Variants in SENP5 observed in about 807,000 individuals in gnomAD.
SENP5 encodes the protein sentrin-specific protease 5.
In SENP5, 21 loss-of-function variants were observed where a neutral mutation model predicts 74.2. That is an observed-to-expected ratio of 0.28 (90% CI 0.20 to 0.41). The LOEUF (loss-of-function observed/expected upper bound fraction) is 0.41. SENP5 is among the 10% of genes least tolerant of loss of function. The pLI is 1.00. For missense variants in SENP5, 717 were observed against 889.1 expected, an observed-to-expected ratio of 0.81 and a Z score of 2.46; for synonymous variants, 311 against 312.7, an observed-to-expected ratio of 0.99 and a Z score of 0.06.
In SENP5 at chr3:196,931,618, A is replaced by G. The variant is rs149576338; in HGVS notation, c.*695A>G. The G allele has an allele frequency of 7.5e-5, 18 of 241,536 alleles. No individual in the cohort carries two copies. Among genetic ancestry groups the G allele is most frequent in the East Asian group, 6.5e-4 (4 of 6,166 alleles). The allele number at this position is 241,536 out of a possible 1,614,324, so 15.0% of individuals were successfully genotyped here. On this transcript the variant is annotated 3_prime_UTR_variant, in exon 10 of 10. Transcript: ENST00000323460. ...AGGCCAGTAACAATGACAGATTTCAATCGTGGTTTTAGGAATTATAATACG... is the reference window on the plus strand; with the variant it reads ...AGGCCAGTAACAATGACAGATTTCAGTCGTGGTTTTAGGAATTATAATACG...
intron 6 of SENP5, chr3:196,905,079 T>C (rs1262713050): frequency 1.3e-5 from 2 of 152,158 alleles, no homozygotes; most frequent in African/African-American, 4.8e-5. Context: ...CTTGTATTTT[T>C]AATAGAGACG....
chr3:196,895,103 A>G (rs184338519), intron 2 of SENP5, among the ~76,000 whole-genome samples: 52 of 152,232 alleles, frequency 3.4e-4, no homozygotes, highest in African/African-American at 1.1e-3. Context: ...CTCATTCCAC[A>G]TCCAGGGTGG....
chr3:196,931,823 G>A lies in SENP5; in HGVS notation c.*900G>A, dbSNP rs561603326. The stretch of plus-strand genomic sequence containing the variant: ...CTGTGTTGCCTCCCAATTGGAAGAA[G>A]TTAAGGTTTACCAAATGCATTTCTA... On this transcript the variant is annotated 3_prime_UTR_variant, in exon 10 of 10. Transcript: ENST00000323460. The A allele has an allele frequency of 5.3e-4, 209 of 396,658 alleles. 1 individual carries two copies. The highest frequency in any genetic ancestry group is 1.6e-3 in the South Asian group (88 of 54,546). The allele number at this position is 396,658 out of a possible 1,614,324, so 24.6% of individuals were successfully genotyped here. A position where few individuals can be genotyped will look rare whatever the true frequency, so the allele number is the denominator to read the frequency against.
chr3:196,882,208 T>G (rs1439847589), intron 1 of SENP5, among the ~76,000 whole-genome samples: 1 of 151,910 alleles, frequency 6.6e-6, no homozygotes, highest in Non-Finnish European at 1.5e-5. Flanking sequence ...CCCCTCTTTT[T>G]TTTTAATTGT....
rs1293477428 is a variant in SENP5 at position 196,914,578 on chromosome 3, A to T, written c.1885-8836A>T. 5.9e-4 allele frequency: 43 copies of T among 72,770 alleles called. No individual in the cohort carries two copies. In the East Asian group the frequency reaches 7.1e-3, roughly 12 times the overall value. The allele number at this position is 72,770 out of a possible 1,614,324, so 4.5% of individuals were successfully genotyped here. A position where few individuals can be genotyped will look rare whatever the true frequency, so the allele number is the denominator to read the frequency against. On this transcript the variant is annotated intron_variant, in intron 6 of 9. Coordinates refer to ENST00000323460, the MANE Select transcript of SENP5 (RefSeq NM_152699.5). ...GAGGTTTGCTTTAAAAAAAAAAAAA[A>T]AAAAAAAAATATATATATATATATA...
At chr3:196,900,172 T>C in intron 4 of SENP5, 110 bp downstream of exon 4, 1 of 1,388,012 alleles carries the variant, frequency 7.2e-7, no homozygotes, top group Admixed American at 2.4e-5. Context: ...GGATTCTTCA[T>C]TCTTTACTGG....
chr3:196,905,681 A>G (rs1714873907), intron 6 of SENP5, among the ~76,000 whole-genome samples: 1 of 152,174 alleles, frequency 6.6e-6, no homozygotes, highest in Non-Finnish European at 1.5e-5. Flanking sequence ...CCACAGGCAC[A>G]TCACCCTCCA....
chr3:196,889,336 G>A (rs1398031907), intron 2 of SENP5, among the ~76,000 whole-genome samples: 1 of 152,078 alleles, frequency 6.6e-6, no homozygotes. Flanking sequence ...AACCTTTATA[G>A]ATGTAACACT....
At chr3:196,897,366 A>G (rs564232019) in intron 2 of SENP5, among the ~76,000 whole-genome samples, 1 of 152,326 alleles carries the variant, frequency 6.6e-6, no homozygotes, top group South Asian at 2.1e-4. Flanking sequence ...TAGAAGCCCC[A>G]AATCTTTATC....
At chr3:196,918,304 CAAA>C (rs34835074) in intron 6 of SENP5, among the ~76,000 whole-genome samples, 1 of 125,600 alleles carries the variant, frequency 8.0e-6, no homozygotes, top group East Asian at 2.7e-4. Flanking sequence ...GAGACTCTGT[CAAA>C]AAAAAAAAAA....
At chr3:196,880,638 CTTTTTTTTTTTT>C (rs56188124) in intron 1 of SENP5, among the ~76,000 whole-genome samples, 1 of 101,964 alleles carries the variant, frequency 9.8e-6, no homozygotes, top group Non-Finnish European at 1.9e-5. Context: ...GCCAGTTATT[CTTTTTTTTTTTT>C]TTTTTTTTGA....
chr3:196,918,593 G>A (rs1715483701), intron 6 of SENP5, among the ~76,000 whole-genome samples: 2 of 151,816 alleles, frequency 1.3e-5, no homozygotes, highest in African/African-American at 4.8e-5. Flanking sequence ...AAGAAGGAAG[G>A]GAGGAAGGGA....
intron 6 of SENP5, among the ~76,000 whole-genome samples, chr3:196,905,424 G>GC (rs1304025976): frequency 6.6e-6 from 1 of 152,030 alleles, no homozygotes; most frequent in Non-Finnish European, 1.5e-5. Flanking sequence ...CCTCAAGAGT[G>GC]CCCCCCACCC....
chr3:196,876,950 G>C (rs1713503559), intron 1 of SENP5, among the ~76,000 whole-genome samples: 1 of 152,078 alleles, frequency 6.6e-6, no homozygotes, highest in South Asian at 2.1e-4. Context: ...GTATATACTT[G>C]TTGGGCACTA....
intron 6 of SENP5, among the ~76,000 whole-genome samples, chr3:196,903,968 T>G (rs1035127012): frequency 2.0e-5 from 3 of 152,244 alleles, no homozygotes; most frequent in Admixed American, 1.3e-4. Flanking sequence ...AGAGGATCAC[T>G]TGAGCACAAG....
chr3:196,903,035 C>G (rs1028073566), intron 5 of SENP5, among the ~76,000 whole-genome samples: 1 of 152,164 alleles, frequency 6.6e-6, no homozygotes, highest in Admixed American at 6.6e-5. Context: ...CTGCCCCATT[C>G]CAAAGCTGAC....
intron 1 of SENP5, among the ~76,000 whole-genome samples, chr3:196,875,712 CT>C (rs1316681988): frequency 6.6e-6 from 1 of 152,064 alleles, no homozygotes; most frequent in Non-Finnish European, 1.5e-5. Flanking sequence ...CTGAATTTGA[CT>C]TTTTTTAATT....
chr3:196,870,558 T>C (rs972690201), intron 1 of SENP5, among the ~76,000 whole-genome samples: 5 of 152,108 alleles, frequency 3.3e-5, no homozygotes, highest in African/African-American at 1.2e-4. Context: ...TTCACTCTTG[T>C]GCAGGCTGGA....
At chr3:196,930,003 A>C (rs1456739607) in intron 9 of SENP5, among the ~76,000 whole-genome samples, 1 of 152,092 alleles carries the variant, frequency 6.6e-6, no homozygotes, top group Non-Finnish European at 1.5e-5. Flanking sequence ...AAAAAAAAAA[A>C]AAACATTGGC....
Sources: allele counts gnomAD v4.1 joint callset (sites outside exome capture counted in the v4.1 genomes callset), GRCh38; gene constraint gnomAD v4.1.1; transcripts MANE v1.5; gene names NCBI Gene and HGNC (gene_info 2026-07-23, HGNC 2026-07-21).